The following DISP1 variants were observed in gnomAD, a reference collection of about 807,000 sequenced individuals.
DISP1 encodes the protein protein dispatched homolog 1.
In DISP1, 30 loss-of-function variants were observed where a neutral mutation model predicts 37.3. That is an observed-to-expected ratio of 0.80 (90% confidence interval 0.60 to 1.09). The LOEUF is 1.09. Ranked by LOEUF, DISP1 falls within the 50% of genes least tolerant of loss-of-function variation. The pLI is 0.00. For synonymous variants in DISP1, 634 were observed against 690.2 expected, an observed-to-expected ratio of 0.92 and a Z score of 1.28; for missense variants, 1,598 against 1,879.5, an observed-to-expected ratio of 0.85 and a Z score of 2.77.
At chr1:222,851,850 C>G (rs887343032) in intron 1 of DISP1, among the ~76,000 whole-genome samples, 21 of 151,382 alleles carry the variant, frequency 1.4e-4, no homozygotes, top group African/African-American at 4.9e-4. Flanking sequence ...ATTTTACAAG[C>G]TAATTGTCCA....
intron 3 of DISP1, among the ~76,000 whole-genome samples, chr1:222,981,954 G>A (rs956624450): frequency 3.3e-5 from 5 of 152,166 alleles, no homozygotes; most frequent in Admixed American, 1.3e-4. Flanking sequence ...AACCTTCAAA[G>A]AGCTTTTGTT....
At chr1:222,865,925 G>A (rs1008605342) in intron 1 of DISP1, among the ~76,000 whole-genome samples, 7 of 152,132 alleles carry the variant, frequency 4.6e-5, no homozygotes, top group Non-Finnish European at 1.0e-4. Context: ...TTAGGGGCCG[G>A]CCCCCTGTTG....
chr1:222,984,433 TATAG>T (rs1402930246), intron 4 of DISP1, among the ~76,000 whole-genome samples: 1 of 99,522 alleles, frequency 1.0e-5, no homozygotes, highest in Admixed American at 9.7e-5. Flanking sequence ...TATATATATA[TATAG>T]AGAGAGAGAG....
chr1:222,983,693 A>G (rs558308790), intron 4 of DISP1, among the ~76,000 whole-genome samples: 5 of 152,162 alleles, frequency 3.3e-5, no homozygotes, highest in Non-Finnish European at 5.9e-5. Flanking sequence ...GGATTGGCTT[A>G]CTTAGTGAGG....
At chr1:222,971,826 A>G (rs951682715) in intron 3 of DISP1, among the ~76,000 whole-genome samples, 10 of 152,232 alleles carry the variant, frequency 6.6e-5, no homozygotes, top group East Asian at 5.8e-4. Context: ...TCTTTATGCA[A>G]TTTGTATAGT....
intron 1 of DISP1, among the ~76,000 whole-genome samples, chr1:222,920,939 A>T (rs1421611711): frequency 6.6e-6 from 1 of 152,226 alleles, no homozygotes; most frequent in Non-Finnish European, 1.5e-5. Context: ...AGCAAAGATC[A>T]TAATAAATAA....
At chr1:222,935,616 G>A (rs1271218136) in intron 2 of DISP1, among the ~76,000 whole-genome samples, 1 of 152,164 alleles carries the variant, frequency 6.6e-6, no homozygotes, top group Non-Finnish European at 1.5e-5. Context: ...GCCAAGAGGT[G>A]TACAATTTTA....
At chr1:222,982,627 C>T (rs892466113) in intron 3 of DISP1, among the ~76,000 whole-genome samples, 9 of 152,120 alleles carry the variant, frequency 5.9e-5, no homozygotes, top group Non-Finnish European at 1.5e-5. Flanking sequence ...CAGCTGGTAT[C>T]TTGAAGAGGG....
chr1:222,843,434 A>G (rs1667720542), intron 1 of DISP1, among the ~76,000 whole-genome samples: 1 of 151,992 alleles, frequency 6.6e-6, no homozygotes. Flanking sequence ...ATTTCTTTAT[A>G]GAGTAGTCTG....
chr1:222,875,630 A>G (rs1669919308), intron 1 of DISP1, among the ~76,000 whole-genome samples: 1 of 147,210 alleles, frequency 6.8e-6, no homozygotes, highest in Admixed American at 6.8e-5. Flanking sequence ...CAGCCTGGCC[A>G]ACATGGTGAA....
intron 1 of DISP1, among the ~76,000 whole-genome samples, chr1:222,856,713 T>TC: frequency 6.6e-6 from 1 of 150,490 alleles, no homozygotes. Context: ...TTCGTTTTTT[T>TC]TTTTTTTTTG....
intron 4 of DISP1, among the ~76,000 whole-genome samples, chr1:222,989,985 G>A (rs1288536916): frequency 1.3e-5 from 2 of 152,078 alleles, no homozygotes; most frequent in East Asian, 1.9e-4. Context: ...TGTATTTTTA[G>A]TAAAGACAGG....
chr1:222,910,104 C>T (rs1365679757), intron 1 of DISP1, among the ~76,000 whole-genome samples: 1 of 152,154 alleles, frequency 6.6e-6, no homozygotes, highest in Non-Finnish European at 1.5e-5. Context: ...TGGCTCACAC[C>T]TGTAATTCCA....
At chr1:222,980,652 G>A (rs1677764609) in intron 3 of DISP1, among the ~76,000 whole-genome samples, 1 of 151,968 alleles carries the variant, frequency 6.6e-6, no homozygotes, top group Admixed American at 6.6e-5. Context: ...AATAAGATAT[G>A]GTTCCTTTTT....
At chr1:222,858,442 A>G (rs1388732678) in intron 1 of DISP1, among the ~76,000 whole-genome samples, 1 of 152,212 alleles carries the variant, frequency 6.6e-6, no homozygotes, top group Non-Finnish European at 1.5e-5. Flanking sequence ...TGATGAAATC[A>G]CCAAAAGTAA....
intron 1 of DISP1, among the ~76,000 whole-genome samples, chr1:222,918,659 T>C (rs1007787195): frequency 2.2e-4 from 34 of 152,192 alleles, no homozygotes; most frequent in African/African-American, 8.0e-4. Flanking sequence ...CTTATGGATA[T>C]GGGAGCAAGA....
At chr1:222,932,708 C>T (rs1673479025) in intron 2 of DISP1, among the ~76,000 whole-genome samples, 1 of 151,956 alleles carries the variant, frequency 6.6e-6, no homozygotes, top group African/African-American at 2.4e-5. Context: ...TTCTTTCCAG[C>T]ATTGATGCTT....
chr1:222,963,880 C>T (rs112559485), intron 3 of DISP1, among the ~76,000 whole-genome samples: 1 of 151,760 alleles, frequency 6.6e-6, no homozygotes, highest in Admixed American at 6.6e-5. Flanking sequence ...TATCCCGGAA[C>T]TTAAAGTAAA....
Position 222,898,837 on chromosome 1 carries a change from C to A in DISP1, c.-158-29593C>A, listed in dbSNP as rs561394763. Among the ~76,000 whole-genome samples, 12 of 152,196 alleles carry A rather than the reference C, an allele frequency of 7.9e-5. No individual in the cohort carries two copies. In the East Asian group the frequency reaches 2.1e-3, roughly 27 times the overall value. On this transcript the variant is annotated intron_variant, in intron 1 of 8. Coordinates refer to ENST00000675850, the MANE Select transcript of DISP1 (RefSeq NM_001377229.1). ...TTATGTTACTTTCATTGCCGTATATCTCCTGTATATCTAAGCTAAACTTCT... is the reference window on the plus strand; with the variant it reads ...TTATGTTACTTTCATTGCCGTATATATCCTGTATATCTAAGCTAAACTTCT...
Sources: gnomAD v4.1 joint callset for allele counts (sites outside exome capture counted in the v4.1 genomes callset) on GRCh38, gnomAD v4.1.1 for gene constraint, MANE v1.5 for transcripts, NCBI Gene and HGNC (gene_info 2026-07-23, HGNC 2026-07-21) for gene names.